The following RTCA variants were observed in gnomAD, a reference collection of about 807,000 sequenced individuals.
The protein encoded by RTCA is RNA 3'-terminal phosphate cyclase, also known as RNA terminal phosphate cyclase domain 1.
In RTCA, 37 loss-of-function variants were observed where a neutral mutation model predicts 46.1. That is an observed-to-expected ratio of 0.80 (90% CI 0.62 to 1.06). RTCA has a LOEUF of 1.06. Among genes scored for constraint, RTCA ranks in the 50% least tolerant of loss-of-function variants. The probability of loss-of-function intolerance (pLI) is 0.00; values close to 1 mark genes in which losing one functional copy is unlikely to be tolerated. For missense variants in RTCA, 435 were observed against 455.5 expected, an observed-to-expected ratio of 0.95 and a Z score of 0.41; for synonymous variants, 164 against 158.3, an observed-to-expected ratio of 1.04 and a Z score of -0.27.
chr1:100,278,229 C>T (rs771191235), intron 8 of RTCA, among the ~76,000 whole-genome samples: 2 of 152,122 alleles, frequency 1.3e-5, no homozygotes, highest in Non-Finnish European at 2.9e-5. Context: ...AGCTTTCATC[C>T]AGTGGTTTTA....
Position 100,267,604 on chromosome 1 carries a change from T to C in RTCA, c.147-548T>C, listed in dbSNP as rs371724695. The C allele has an allele frequency of 4.6e-5, 69 of 1,485,236 alleles. No homozygotes were observed. The African/African-American group carries it at 8.6e-4, about 19-fold the overall frequency. 92.0% of individuals were successfully genotyped at this position (1,485,236 alleles called of 1,614,324 possible). ...AGGCCTGTCTTTTTGCCTCTTCACA[T>C]GGTGGTTCCTCTGTGTACCTTGCCC... is the stretch of plus-strand genomic sequence containing the variant. On this transcript the variant is annotated intron_variant, in intron 2 of 10. Coordinates refer to ENST00000370128, the MANE Select transcript of RTCA (RefSeq NM_003729.4).
intron 7 of RTCA, 148 bp downstream of exon 7, chr1:100,275,871 T>A: frequency 2.9e-6 from 2 of 689,856 alleles, no homozygotes; most frequent in Non-Finnish European, 4.2e-6. Context: ...AGTCTCGCTC[T>A]GTTGTCCAGG....
chr1:100,291,420 G>T lies in RTCA; in HGVS notation c.1017G>T (p.Lys339Asn). 6.2e-7 allele frequency: 1 copy of T among 1,610,196 alleles called. No individual in the cohort carries two copies. Among genetic ancestry groups the T allele is most frequent in the Non-Finnish European group, 8.5e-7 (1 of 1,178,004 alleles). The change falls in exon 11 of 11, where the codon AAG (lysine) becomes AAT (asparagine). Residue 339 changes from lysine to asparagine, a missense_variant. Coordinates refer to ENST00000370128, the MANE Select transcript of RTCA (RefSeq NM_003729.4). ...EQIAKAKFIV[K>N]KSEDEEDAAK... ...GATTTCAGGCTAAATTTATTGTGAA[G>T]AAATCAGAAGATGAAGAAGACGCCG...
At position 100,275,707 on chromosome 1, in the gene RTCA, A is replaced by G. The variant is rs769084678; in HGVS notation, c.724A>G (p.Asn242Asp). 8.7e-6 allele frequency: 14 copies of G among 1,610,298 alleles called. No individual in the cohort carries two copies. In the African/African-American group the frequency reaches 1.5e-4, roughly 17 times the overall value. Residue 242 changes from asparagine (N) to aspartate (D), a missense_variant, in exon 7 of 11, where the codon AAT becomes GAT. Asn to Asp is a conservative substitution (Grantham distance 23). Coordinates refer to ENST00000370128, the MANE Select transcript of RTCA (RefSeq NM_003729.4). The stretch of plus-strand genomic sequence containing the variant: ...AGAACCTAAAGACCAAGCATTTGGC[A>G]ATGGAAATGGAATAATGTGAGACAA... ...VQEPKDQAFG[N>D]GNGIIIIAET...
chr1:100,267,938 A>G (rs1665878544), intron 2 of RTCA: 2 of 595,972 alleles, frequency 3.4e-6, no homozygotes, highest in Non-Finnish European at 5.8e-6. Context: ...ATAGTCAGAA[A>G]TAACTGGTCT....
At chr1:100,276,669 C>T (rs760503106) in intron 7 of RTCA, among the ~76,000 whole-genome samples, 106 of 152,052 alleles carry the variant, frequency 7.0e-4, no homozygotes, top group Non-Finnish European at 1.4e-3. Flanking sequence ...AAGCGAGACT[C>T]CATCTCAAAA....
chr1:100,292,341 T>C lies in RTCA; in HGVS notation c.*837T>C, dbSNP rs1245954705. ...TTTTTTGAGACAGAGTCTCACTCTG[T>C]CACCAAGTTGGAGTGCAGTGGCACA... On this transcript the variant is annotated 3_prime_UTR_variant, in exon 11 of 11. Coordinates refer to ENST00000370128, the MANE Select transcript of RTCA (RefSeq NM_003729.4). 6.6e-6 allele frequency: 1 copy of C among 152,144 alleles called. No homozygotes were observed. Among genetic ancestry groups the C allele is most frequent in the Non-Finnish European group, 1.5e-5 (1 of 68,056 alleles). 9.4% of individuals were successfully genotyped at this position (152,144 alleles called of 1,614,324 possible).
At chr1:100,282,341 A>C (rs1160886044) in intron 8 of RTCA, among the ~76,000 whole-genome samples, 1 of 152,208 alleles carries the variant, frequency 6.6e-6, no homozygotes, top group Non-Finnish European at 1.5e-5. Flanking sequence ...CTAGTACTAC[A>C]AAGCCGGAAG....
intron 8 of RTCA, among the ~76,000 whole-genome samples, chr1:100,277,804 G>T (rs547265253): frequency 5.3e-5 from 8 of 149,758 alleles, no homozygotes; most frequent in Admixed American, 2.0e-4. Context: ...TTTTTTTTTG[G>T]GGGGGGGCAC....
rs1666962206 is a variant in RTCA at position 100,285,326 on chromosome 1, A to G, written c.894+4A>G. 8.1e-6 allele frequency: 13 copies of G among 1,605,122 alleles called. No individual in the cohort carries two copies. Among genetic ancestry groups the G allele is most frequent in the Non-Finnish European group, 9.4e-6 (11 of 1,172,144 alleles). ...GGATGAGTATCTGCAAGACCAGGTA[A>G]TGACACATTTAGGTTAAAAACCCTC... On this transcript the variant is annotated splice_donor_region_variant and intron_variant, in intron 9 of 10. Transcript: ENST00000370128.
At position 100,283,437 on chromosome 1, in the gene RTCA, T is replaced by C. The variant is rs150402086; in HGVS notation, c.800-1791T>C. Among the ~76,000 whole-genome samples, 207 of 152,160 alleles carry C rather than the reference T, an allele frequency of 1.4e-3. 7 individuals carry two copies. In the East Asian group the frequency reaches 0.038, roughly 28 times the overall value. ...TTGGCCTCCCAAAGTGCTGGGATTATAGGCATGAGCCACCATGCCTGGCTC... is the reference window on the plus strand; with the variant it reads ...TTGGCCTCCCAAAGTGCTGGGATTACAGGCATGAGCCACCATGCCTGGCTC... On this transcript the variant is annotated intron_variant, in intron 8 of 10. Transcript: ENST00000370128.
Position 100,266,696 on chromosome 1 carries a change from A to G in RTCA, c.146+72A>G, listed in dbSNP as rs552530475. On this transcript the variant is annotated intron_variant, in intron 2 of 10. Coordinates refer to ENST00000370128, the MANE Select transcript of RTCA (RefSeq NM_003729.4). ...GGGGGTCGGGCTGCCGGGCTGGGGC[A>G]TCGGGAGTCCGAGTGGTGGAACCCA... The G allele has an allele frequency of 2.3e-6, 3 of 1,316,548 alleles. No homozygotes were observed. In the East Asian group the frequency reaches 7.6e-5, roughly 33 times the overall value. The allele number at this position is 1,316,548 out of a possible 1,614,324, so 81.6% of individuals were successfully genotyped here. A position where few individuals can be genotyped will look rare whatever the true frequency, so the allele number is the denominator to read the frequency against.
intron 10 of RTCA, 72 bp downstream of exon 10, chr1:100,287,275 T>C (rs899025708): frequency 1.9e-6 from 2 of 1,067,394 alleles, no homozygotes; most frequent in African/African-American, 1.7e-5. Flanking sequence ...TAAATTTTAA[T>C]AGGAAACTTA....
At chr1:100,275,268 C>T (rs1424800989) in intron 6 of RTCA, among the ~76,000 whole-genome samples, 1 of 152,136 alleles carries the variant, frequency 6.6e-6, no homozygotes, top group Non-Finnish European at 1.5e-5. Flanking sequence ...GGTTGAAACA[C>T]TATCAGGTAC....
intron 2 of RTCA, 142 bp from the exon 3 acceptor site, chr1:100,268,010 G>A: frequency 8.2e-7 from 1 of 1,219,334 alleles, no homozygotes; most frequent in Non-Finnish European, 1.1e-6. Flanking sequence ...AACCCAAAAG[G>A]AAGCTGACAC....
At chr1:100,290,953 A>G (rs1022173364) in intron 10 of RTCA, among the ~76,000 whole-genome samples, 1 of 152,156 alleles carries the variant, frequency 6.6e-6, no homozygotes, top group Non-Finnish European at 1.5e-5. Context: ...AACGATATAT[A>G]TAGGGAACTA....
In RTCA at chr1:100,270,632, A is replaced by G. The variant is rs1410031940; in HGVS notation, c.366A>G (p.Lys122=). The stretch of plus-strand genomic sequence containing the variant: ...CTTCTCCATCAGAACTTCATTTGAA[A>G]GGTGGAACTAATGCTGAAATGGCAC... ...FAASPSELHL[K]GGTNAEMAPQ... The change falls in exon 4 of 11, where the codon AAA becomes AAG. Residue 122 remains lysine, a synonymous_variant. Coordinates refer to ENST00000370128, the MANE Select transcript of RTCA (RefSeq NM_003729.4). The G allele has an allele frequency of 6.2e-7, 1 of 1,614,148 alleles. No homozygotes were observed. Among genetic ancestry groups the G allele is most frequent in the Non-Finnish European group, 8.5e-7 (1 of 1,179,988 alleles).
chr1:100,274,064 C>A (rs183192229), intron 5 of RTCA, among the ~76,000 whole-genome samples: 168 of 152,212 alleles, frequency 1.1e-3, no homozygotes, highest in African/African-American at 3.9e-3. Flanking sequence ...TGTTATTCTT[C>A]CCCTGCTCTC....
chr1:100,268,555 C>A (rs1456028339), intron 3 of RTCA, among the ~76,000 whole-genome samples: 1 of 152,042 alleles, frequency 6.6e-6, no homozygotes, highest in Non-Finnish European at 1.5e-5. Flanking sequence ...AGCACCATGC[C>A]CCGCTAATTT....
Sources: allele counts gnomAD v4.1 joint callset (sites outside exome capture counted in the v4.1 genomes callset), GRCh38; gene constraint gnomAD v4.1.1; transcripts MANE v1.5; gene names NCBI Gene and HGNC (gene_info 2026-07-23, HGNC 2026-07-21).